The following CTNND2 variants were observed in gnomAD, a reference collection of about 807,000 sequenced individuals.
CTNND2 encodes the protein catenin delta 2.
Under a neutral mutation model 144.4 loss-of-function variants are expected in CTNND2, and 22 were observed. That is an observed-to-expected ratio of 0.15 (90% CI 0.11 to 0.22). The LOEUF (loss-of-function observed/expected upper bound fraction) is 0.22, where lower values mean the gene tolerates loss of function less well. Ranked by LOEUF, CTNND2 falls within the 10% of genes least tolerant of loss-of-function variation. CTNND2 has a pLI of 1.00. For synonymous variants in CTNND2, 751 were observed against 695.6 expected (o/e 1.08, Z -1.25); for missense variants, 1,353 against 1,618.8 (o/e 0.84, Z 2.82).
chr5:11,306,238 C>T (rs1051076117), intron 9 of CTNND2, among the ~76,000 whole-genome samples: 1 of 152,090 alleles, frequency 6.6e-6, no homozygotes, highest in Non-Finnish European at 1.5e-5. Flanking sequence ...TTAGGATGTG[C>T]GTGTGGAGGT....
intron 7 of CTNND2, among the ~76,000 whole-genome samples, chr5:11,370,352 T>C (rs1008929071): frequency 8.5e-5 from 13 of 152,186 alleles, no homozygotes; most frequent in African/African-American, 2.9e-4. Context: ...CACATTTTAA[T>C]GGGCACCCCC....
intron 10 of CTNND2, among the ~76,000 whole-genome samples, chr5:11,231,627 C>CA (rs1252260361): frequency 6.6e-6 from 1 of 152,122 alleles, no homozygotes; most frequent in Admixed American, 6.5e-5. Flanking sequence ...TTCTAGGCCA[C>CA]AAACCATCCA....
chr5:11,793,688 A>T (rs938492402), intron 1 of CTNND2, among the ~76,000 whole-genome samples: 9 of 152,158 alleles, frequency 5.9e-5, no homozygotes, highest in African/African-American at 2.2e-4. Context: ...GGCACAGCTG[A>T]CACCTTGATT....
intron 2 of CTNND2, among the ~76,000 whole-genome samples, chr5:11,691,717 C>T (rs1416509268): frequency 6.6e-6 from 1 of 152,050 alleles, no homozygotes. Context: ...CCAGCCCTGG[C>T]AACACAGTCG....
intron 3 of CTNND2, among the ~76,000 whole-genome samples, chr5:11,506,304 G>A (rs567575526): frequency 2.6e-4 from 40 of 152,080 alleles, no homozygotes; most frequent in Non-Finnish European, 5.3e-4. Context: ...TAACTAAGAC[G>A]CTTTTTCTTA....
chr5:11,040,700 G>T (rs1023496406), intron 16 of CTNND2, among the ~76,000 whole-genome samples: 1 of 152,104 alleles, frequency 6.6e-6, no homozygotes, highest in Non-Finnish European at 1.5e-5. Flanking sequence ...GTTCCTTTTT[G>T]AACTAGAAAT....
At chr5:11,087,449 A>G (rs1003249057) in intron 15 of CTNND2, among the ~76,000 whole-genome samples, 4 of 152,338 alleles carry the variant, frequency 2.6e-5, no homozygotes, top group African/African-American at 4.8e-5. Flanking sequence ...CCCAGCTGGA[A>G]AGGAACTGTG....
chr5:11,352,148 G>C (rs999776314), intron 8 of CTNND2, among the ~76,000 whole-genome samples: 1 of 152,110 alleles, frequency 6.6e-6, no homozygotes, highest in Non-Finnish European at 1.5e-5. Flanking sequence ...TGTGGGGAGA[G>C]GCATTTAATG....
chr5:10,996,748 A>G (rs577919000), intron 18 of CTNND2, among the ~76,000 whole-genome samples: 306 of 152,102 alleles, frequency 2.0e-3, no homozygotes, highest in Non-Finnish European at 3.6e-3. Context: ...ACAGGCATGC[A>G]CCACCACACC....
intron 1 of CTNND2, among the ~76,000 whole-genome samples, chr5:11,756,981 G>T (rs193203275): frequency 3.4e-4 from 52 of 151,692 alleles, no homozygotes; most frequent in Admixed American, 3.4e-3. Flanking sequence ...ATAAAAAGTT[G>T]CTTAACACCC....
intron 3 of CTNND2, among the ~76,000 whole-genome samples, chr5:11,456,559 T>G (rs1271559164): frequency 3.3e-5 from 5 of 152,102 alleles, no homozygotes; most frequent in African/African-American, 1.2e-4. Context: ...CCCCAATACC[T>G]GGGAAGGTTG....
intron 10 of CTNND2, among the ~76,000 whole-genome samples, chr5:11,210,073 T>C (rs967997329): frequency 6.6e-6 from 1 of 152,204 alleles, no homozygotes; most frequent in Admixed American, 6.5e-5. Context: ...ACAATAAGGA[T>C]AGAGTGTGAC....
intron 9 of CTNND2, among the ~76,000 whole-genome samples, chr5:11,256,213 C>A (rs1739613247): frequency 6.6e-6 from 1 of 152,158 alleles, no homozygotes; most frequent in Admixed American, 6.5e-5. Flanking sequence ...TGTAAAACTC[C>A]TTTCCTAATG....
At chr5:11,566,388 T>A (rs1236027769) in intron 2 of CTNND2, among the ~76,000 whole-genome samples, 1 of 152,154 alleles carries the variant, frequency 6.6e-6, no homozygotes, top group African/African-American at 2.4e-5. Flanking sequence ...GCATCTAACT[T>A]CTTCTTCTCT....
At position 11,255,029 on chromosome 5, in the gene CTNND2, G is replaced by C. The variant is rs574692460; in HGVS notation, c.1629-18206C>G. Among the ~76,000 whole-genome samples, 4 of 152,286 alleles carry C rather than the reference G, an allele frequency of 2.6e-5. No individual in the cohort carries two copies. The East Asian group carries it at 7.7e-4, about 29-fold the overall frequency. ...GAGTCATGCCAGAGCTACAGGTTTAGGGATGCATTTCAAAACATTTTCCCT... is the reference window on the plus strand; with the variant it reads ...GAGTCATGCCAGAGCTACAGGTTTACGGATGCATTTCAAAACATTTTCCCT... On this transcript the variant is annotated intron_variant, in intron 9 of 21. Coordinates refer to ENST00000304623, the MANE Select transcript of CTNND2 (RefSeq NM_001332.4).
intron 2 of CTNND2, among the ~76,000 whole-genome samples, chr5:11,698,164 T>C (rs996373096): frequency 2.6e-5 from 4 of 152,178 alleles, no homozygotes; most frequent in Admixed American, 2.6e-4. Flanking sequence ...AAGAAACTGA[T>C]GTAGCCCATT....
intron 17 of CTNND2, among the ~76,000 whole-genome samples, chr5:11,018,606 T>G (rs61751678): frequency 0.01 from 1,551 of 152,212 alleles, 14 homozygotes; most frequent in Middle Eastern, 0.031. Context: ...TAAAACAGGC[T>G]TATTGCTGAT....
intron 3 of CTNND2, among the ~76,000 whole-genome samples, chr5:11,418,823 G>A (rs1762110125): frequency 6.6e-6 from 1 of 151,836 alleles, no homozygotes; most frequent in Non-Finnish European, 1.5e-5. Flanking sequence ...CTATTTGGCA[G>A]GTAAACTAAA....
At chr5:11,608,268 G>A (rs746467173) in intron 2 of CTNND2, among the ~76,000 whole-genome samples, 2 of 152,144 alleles carry the variant, frequency 1.3e-5, no homozygotes, top group Non-Finnish European at 2.9e-5. Flanking sequence ...TCATCTATAT[G>A]CTGATGATTT....
Sources: allele counts gnomAD v4.1 joint callset (sites outside exome capture counted in the v4.1 genomes callset), GRCh38; gene constraint gnomAD v4.1.1; transcripts MANE v1.5; gene names NCBI Gene and HGNC (gene_info 2026-07-23, HGNC 2026-07-21).